The following NFATC3 variants were observed in gnomAD, a reference collection of about 807,000 sequenced individuals.
The protein encoded by NFATC3 is nuclear factor of activated T cells 3, also known as nuclear factor of activated T-cells, cytoplasmic 3.
Under a neutral mutation model 98.6 loss-of-function variants are expected in NFATC3, and 46 were observed. The observed-to-expected ratio is 0.47, with a 90% CI of 0.37 to 0.60. NFATC3 has a LOEUF of 0.60. NFATC3 is among the 20% of genes least tolerant of loss of function. The pLI, the probability that NFATC3 is intolerant of heterozygous loss-of-function variation, is 0.00. For missense variants in NFATC3, 1,256 were observed against 1,295.5 expected, an observed-to-expected ratio of 0.97 and a Z score of 0.47; for synonymous variants, 512 against 472.2, an observed-to-expected ratio of 1.08 and a Z score of -1.09.
intron 1 of NFATC3, among the ~76,000 whole-genome samples, chr16:68,120,279 C>CA (rs564432522): frequency 0.16 from 14,140 of 90,024 alleles, 890 homozygotes; most frequent in South Asian, 0.24. Flanking sequence ...GACCTAGTCT[C>CA]AAAAAAAAAA....
intron 6 of NFATC3, among the ~76,000 whole-genome samples, chr16:68,175,183 T>A (rs966945302): frequency 3.9e-5 from 6 of 152,222 alleles, no homozygotes; most frequent in African/African-American, 1.4e-4. Flanking sequence ...GGACACATAG[T>A]ATATGACTCC....
intron 3 of NFATC3, among the ~76,000 whole-genome samples, chr16:68,148,580 A>G (rs2038155917): frequency 6.6e-6 from 1 of 152,248 alleles, no homozygotes; most frequent in South Asian, 2.1e-4. Context: ...AGAAAGAACC[A>G]ATAAGCAAGC....
rs537779042 is a variant in NFATC3, at chr16:68,130,726, G to A, written c.1401+4116G>A. 3.5e-4 allele frequency among the ~76,000 whole-genome samples: 54 copies of A among 152,212 alleles called. No individual in the cohort carries two copies. The South Asian group carries it at 9.7e-3, about 27-fold the overall frequency. On this transcript the variant is annotated intron_variant, in intron 3 of 9. Transcript: ENST00000346183. ...TCATAAAATCTTTGCTTAGATCAGC[G>A]TTATGGAGCTTTCCCCCTGTGTTTT...
At chr16:68,091,254 G>C (rs1055961930) in intron 1 of NFATC3, among the ~76,000 whole-genome samples, 2 of 152,046 alleles carry the variant, frequency 1.3e-5, no homozygotes, top group African/African-American at 4.8e-5. Context: ...AAGTTGTGGG[G>C]GTTAAGTAAG....
intron 3 of NFATC3, among the ~76,000 whole-genome samples, chr16:68,126,913 C>G (rs1450132142): frequency 2.0e-5 from 3 of 152,062 alleles, no homozygotes; most frequent in African/African-American, 4.8e-5. Context: ...AAAATATATG[C>G]TCATTTAAAA....
rs139750534 is a variant in NFATC3, at chr16:68,116,840, A to C, written c.104-5147A>C. On this transcript the variant is annotated intron_variant, in intron 1 of 9. Coordinates refer to ENST00000346183, the MANE Select transcript of NFATC3 (RefSeq NM_173165.3). ...TTTCTCAAAGGGTTGGGATTTAATTAATTTTTCCTATTTAATCAAGTACAT... is the reference window on the plus strand; with the variant it reads ...TTTCTCAAAGGGTTGGGATTTAATTCATTTTTCCTATTTAATCAAGTACAT... Among the ~76,000 whole-genome samples, 765 of 151,894 alleles carry C rather than the reference A, an allele frequency of 5.0e-3. 7 individuals carry two copies. The highest frequency in any genetic ancestry group is 0.017 in the African/African-American group (698 of 41,418).
chr16:68,167,293 G>T (rs2039240857), intron 5 of NFATC3, among the ~76,000 whole-genome samples: 1 of 152,130 alleles, frequency 6.6e-6, no homozygotes, highest in Admixed American at 6.6e-5. Flanking sequence ...ATGAGAATGG[G>T]GGGCCTGATG....
chr16:68,153,229 T>C (rs1208514192), intron 3 of NFATC3, among the ~76,000 whole-genome samples: 1 of 152,166 alleles, frequency 6.6e-6, no homozygotes, highest in African/African-American at 2.4e-5. Flanking sequence ...AAGACCAGCA[T>C]GGCCAACATG....
intron 3 of NFATC3, among the ~76,000 whole-genome samples, chr16:68,152,855 A>G (rs2038410375): frequency 6.6e-6 from 1 of 152,258 alleles, no homozygotes; most frequent in African/African-American, 2.4e-5. Context: ...TTTGTGTTAC[A>G]GTGACAGAGT....
chr16:68,086,620 T>G (rs1321939745), intron 1 of NFATC3: 1 of 984,964 alleles, frequency 1.0e-6, no homozygotes, highest in African/African-American at 1.7e-5. Flanking sequence ...TTAAGTTCAG[T>G]TTCCCTGTTA....
chr16:68,102,109 C>T (rs1392691461), intron 1 of NFATC3, among the ~76,000 whole-genome samples: 2 of 151,960 alleles, frequency 1.3e-5, no homozygotes, highest in Non-Finnish European at 2.9e-5. Flanking sequence ...CAGTGGCTCA[C>T]GCCTGTAATC....
intron 3 of NFATC3, among the ~76,000 whole-genome samples, chr16:68,156,910 G>A (rs1254794552): frequency 6.6e-6 from 1 of 152,140 alleles, no homozygotes; most frequent in Admixed American, 6.5e-5. Context: ...CTATACTCCA[G>A]CCTGGGTGAC....
At chr16:68,089,091 A>G in intron 1 of NFATC3, 1 of 985,486 alleles carries the variant, frequency 1.0e-6, no homozygotes, top group Non-Finnish European at 1.2e-6. Flanking sequence ...AGTTCCATAA[A>G]TTAGATCTTG....
intron 9 of NFATC3, among the ~76,000 whole-genome samples, chr16:68,211,834 T>C (rs1419572778): frequency 2.0e-5 from 3 of 152,328 alleles, no homozygotes; most frequent in Non-Finnish European, 4.4e-5. Context: ...CTTTTGTAAA[T>C]GTTTGGTCAA....
At chr16:68,120,690 G>A (rs189580184) in intron 1 of NFATC3, among the ~76,000 whole-genome samples, 28 of 150,200 alleles carry the variant, frequency 1.9e-4, no homozygotes, top group South Asian at 1.3e-3. Context: ...GCAAGATTGC[G>A]CCACAGCACT....
intron 9 of NFATC3, among the ~76,000 whole-genome samples, chr16:68,199,334 C>T (rs1380249632): frequency 1.3e-5 from 2 of 149,372 alleles, no homozygotes; most frequent in Non-Finnish European, 3.0e-5. Context: ...CGCCATTCTC[C>T]TGCCTCAGCC....
At chr16:68,100,595 A>G (rs1474673090) in intron 1 of NFATC3, among the ~76,000 whole-genome samples, 1 of 149,986 alleles carries the variant, frequency 6.7e-6, no homozygotes, top group Non-Finnish European at 1.5e-5. Context: ...AAAACAAACA[A>G]AAAAAAAAAC....
At chr16:68,164,157 C>T (rs1301150965) in intron 4 of NFATC3, among the ~76,000 whole-genome samples, 10 of 152,240 alleles carry the variant, frequency 6.6e-5, no homozygotes, top group South Asian at 4.1e-4. Flanking sequence ...CCCAGCACCT[C>T]GGGAGGCCGA....
At chr16:68,193,868 A>G (rs1429673960) in intron 9 of NFATC3, among the ~76,000 whole-genome samples, 1 of 151,714 alleles carries the variant, frequency 6.6e-6, no homozygotes, top group Non-Finnish European at 1.5e-5. Flanking sequence ...AGAAATAGAG[A>G]AGAAGGGTAT....
Sources: allele counts gnomAD v4.1 joint callset (sites outside exome capture counted in the v4.1 genomes callset), GRCh38; gene constraint gnomAD v4.1.1; transcripts MANE v1.5; gene names NCBI Gene and HGNC (gene_info 2026-07-23, HGNC 2026-07-21).